The following PIK3R4 variants were observed in gnomAD, a reference collection of about 807,000 sequenced individuals.
The protein encoded by PIK3R4 is phosphoinositide-3-kinase regulatory subunit 4.
In PIK3R4, 46 loss-of-function variants were observed where a neutral mutation model predicts 136.5. The observed-to-expected ratio is 0.34, with a 90% CI of 0.27 to 0.43. The LOEUF is 0.43. Ranked by LOEUF, PIK3R4 falls within the 20% of genes least tolerant of loss-of-function variation. The pLI is 1.00. For synonymous variants in PIK3R4, 557 were observed against 566.7 expected (o/e 0.98, Z 0.24); for missense variants, 1,331 against 1,649.5 (o/e 0.81, Z 3.35).
At chr3:130,682,667 C>G (rs149552704) in intron 16 of PIK3R4, among the ~76,000 whole-genome samples, 32 of 152,314 alleles carry the variant, frequency 2.1e-4, no homozygotes, top group Non-Finnish European at 3.5e-4. Context: ...CCCTCCTCCC[C>G]TCATGCCTTC....
chr3:130,681,726 T>C, intron 16 of PIK3R4, 135 bp from the exon 17 acceptor site: 3 of 582,100 alleles, frequency 5.2e-6, no homozygotes, highest in Non-Finnish European at 9.4e-6. Context: ...AATATAATAT[T>C]CACTTAATAA....
rs1460836331 is a variant in PIK3R4 at position 130,733,553 on chromosome 3, T to C, written c.1445A>G (p.Tyr482Cys). 6.2e-7 allele frequency: 1 copy of C among 1,602,632 alleles called. No individual in the cohort carries two copies. Among genetic ancestry groups the C allele is most frequent in the Non-Finnish European group, 8.5e-7 (1 of 1,169,752 alleles). The stretch of plus-strand genomic sequence containing the variant: ...TTTGGACAATAAACTCTTACCAGCA[T>C]AGGCTAGTCTAACGATAGTAGCATC... ...QDDATIVRLA[Y>C]AENIALLAET... Residue 482 changes from tyrosine (Y) to cysteine (C), a missense_variant, in exon 4 of 20, where the codon TAT becomes TGT. Coordinates refer to ENST00000356763, the MANE Select transcript of PIK3R4 (RefSeq NM_014602.3).
chr3:130,717,163 CT>C (rs968524889), intron 8 of PIK3R4, among the ~76,000 whole-genome samples: 46 of 145,856 alleles, frequency 3.2e-4, no homozygotes, highest in East Asian at 5.9e-4. Context: ...TCTTTTTTTT[CT>C]TTTTTTTTTT....
rs750906549 is a variant in PIK3R4 at position 130,730,291 on chromosome 3, A to G, written c.1585+17T>C. ...CATTCTAAATAACAGGAAATCTGGA[A>G]GAGAAAATTATACAACCTGTGTCAT... On this transcript the variant is annotated intron_variant, in intron 5 of 19. Coordinates refer to ENST00000356763, the MANE Select transcript of PIK3R4 (RefSeq NM_014602.3). The G allele has an allele frequency of 3.2e-6, 5 of 1,573,714 alleles. No individual in the cohort carries two copies. In the South Asian group the frequency reaches 4.7e-5, roughly 15 times the overall value.
At chr3:130,727,191 T>C (rs1212087203) in intron 6 of PIK3R4, among the ~76,000 whole-genome samples, 1 of 152,180 alleles carries the variant, frequency 6.6e-6, no homozygotes, top group East Asian at 1.9e-4. Context: ...ACAGCAAACC[T>C]TTCCTAGATT....
chr3:130,716,292 G>T, intron 9 of PIK3R4, 104 bp downstream of exon 9: 1 of 858,548 alleles, frequency 1.2e-6, no homozygotes, highest in Non-Finnish European at 1.9e-6. Flanking sequence ...TCATTTTTAT[G>T]ATGTAATCTA....
At chr3:130,686,959 G>T (rs2066493913) in intron 14 of PIK3R4, among the ~76,000 whole-genome samples, 1 of 152,130 alleles carries the variant, frequency 6.6e-6, no homozygotes, top group Admixed American at 6.6e-5. Context: ...AGATACCACA[G>T]AAGTGATGTG....
intron 6 of PIK3R4, among the ~76,000 whole-genome samples, chr3:130,727,400 T>G (rs1351746002): frequency 6.6e-6 from 1 of 152,120 alleles, no homozygotes; most frequent in Non-Finnish European, 1.5e-5. Flanking sequence ...ATTTTTTGTA[T>G]TTTTAGTAGA....
At chr3:130,697,398 A>G (rs2066552362) in intron 13 of PIK3R4, among the ~76,000 whole-genome samples, 2 of 152,168 alleles carry the variant, frequency 1.3e-5, no homozygotes, top group South Asian at 2.1e-4. Flanking sequence ...TACTATTTGC[A>G]TGGTTTATCT....
intron 13 of PIK3R4, among the ~76,000 whole-genome samples, chr3:130,702,563 A>G (rs984641878): frequency 6.6e-6 from 1 of 152,222 alleles, no homozygotes; most frequent in Non-Finnish European, 1.5e-5. Flanking sequence ...CAAGAAAAGC[A>G]CCAGAGATTC....
At position 130,746,391 on chromosome 3, in the gene PIK3R4, GA is replaced by G; in HGVS notation, c.-121del. ...TCATAGTAGACTACTTCGGGGACGG[GA>G]CGGGAAAACGCGTCAGCAGCGGGGA... On this transcript the variant is annotated 5_prime_UTR_variant, in exon 1 of 20. Coordinates refer to ENST00000356763, the MANE Select transcript of PIK3R4 (RefSeq NM_014602.3). The G allele has an allele frequency of 6.6e-6, 1 of 152,442 alleles. No homozygotes were observed. The highest frequency in any genetic ancestry group is 1.9e-4 in the East Asian group (1 of 5,182). The allele number at this position is 152,442 out of a possible 1,614,324, so 9.4% of individuals were successfully genotyped here.
chr3:130,743,329 G>A lies in PIK3R4; in HGVS notation c.733+1157C>T, dbSNP rs146786408. ...GGCTACACAAAGAAAGCTGAGGCAA[G>A]AGGATCATTGGAGTTGGAGGCTGAA... On this transcript the variant is annotated intron_variant, in intron 2 of 19. Coordinates refer to ENST00000356763, the MANE Select transcript of PIK3R4 (RefSeq NM_014602.3). 5.5e-3 allele frequency among the ~76,000 whole-genome samples: 843 copies of A among 152,152 alleles called. 5 individuals are homozygous for A. The highest frequency in any genetic ancestry group is 0.017 in the South Asian group (83 of 4,814).
chr3:130,706,313 T>G (rs569478518), intron 11 of PIK3R4, among the ~76,000 whole-genome samples: 3 of 152,188 alleles, frequency 2.0e-5, no homozygotes, highest in Non-Finnish European at 4.4e-5. Flanking sequence ...CTCAGAACCT[T>G]ACATTAGCCA....
chr3:130,728,890 T>C (rs1190300156), intron 5 of PIK3R4, among the ~76,000 whole-genome samples: 1 of 151,940 alleles, frequency 6.6e-6, no homozygotes, highest in Non-Finnish European at 1.5e-5. Flanking sequence ...GTGAAGAATA[T>C]CCTAACAAGC....
At chr3:130,692,817 A>G (rs984985241) in intron 13 of PIK3R4, among the ~76,000 whole-genome samples, 1 of 152,204 alleles carries the variant, frequency 6.6e-6, no homozygotes, top group African/African-American at 2.4e-5. Flanking sequence ...ACACACACTT[A>G]GGCTTTCTCT....
rs945749321 is a variant in PIK3R4 at position 130,679,491 on chromosome 3, T to C, written c.3907-6A>G. 1.9e-6 allele frequency: 3 copies of C among 1,606,514 alleles called. No homozygotes were observed. The highest frequency in any genetic ancestry group is 1.7e-6 in the Non-Finnish European group (2 of 1,174,862). ...TTCTGCTTATTCTGAATTTCCTGTT[T>C]GGTGATTAAAAGGGAGCAAGCCAGA... On this transcript the variant is annotated splice_region_variant and splice_polypyrimidine_tract_variant and intron_variant, in intron 19 of 19. Coordinates refer to ENST00000356763, the MANE Select transcript of PIK3R4 (RefSeq NM_014602.3).
intron 2 of PIK3R4, among the ~76,000 whole-genome samples, chr3:130,736,698 T>G (rs1486857958): frequency 1.3e-5 from 2 of 152,034 alleles, no homozygotes; most frequent in Non-Finnish European, 2.9e-5. Flanking sequence ...AGACATTAGA[T>G]TCATAAGGAA....
At chr3:130,701,717 T>C (rs148457328) in intron 13 of PIK3R4, among the ~76,000 whole-genome samples, 59 of 152,242 alleles carry the variant, frequency 3.9e-4, no homozygotes, top group African/African-American at 9.9e-4. Context: ...GTGTACTTCA[T>C]AGCATACAAA....
At chr3:130,721,203 A>G (rs1202250650) in intron 7 of PIK3R4, among the ~76,000 whole-genome samples, 3 of 151,580 alleles carry the variant, frequency 2.0e-5, no homozygotes, top group East Asian at 1.9e-4. Flanking sequence ...CGGGCATGGT[A>G]GCGGGCGCCT....
Sources: allele counts gnomAD v4.1 joint callset (sites outside exome capture counted in the v4.1 genomes callset), GRCh38; gene constraint gnomAD v4.1.1; transcripts MANE v1.5; gene names NCBI Gene and HGNC (gene_info 2026-07-23, HGNC 2026-07-21).